Variants in LRRC49 observed in about 807,000 individuals in gnomAD.
LRRC49 encodes leucine rich repeat containing 49, also known as leucine-rich repeat-containing protein 49.
Under a neutral mutation model 83.3 loss-of-function variants are expected in LRRC49, and 50 were observed. The ratio of observed to expected loss-of-function variants is 0.60; its 90% CI spans 0.48 to 0.76. The LOEUF is 0.76. Ranked by LOEUF, LRRC49 falls within the 30% of genes least tolerant of loss-of-function variation. The probability of loss-of-function intolerance (pLI) is 0.00; values close to 1 mark genes in which losing one functional copy is unlikely to be tolerated. For missense variants in LRRC49, 704 were observed against 809.1 expected, an observed-to-expected ratio of 0.87 and a Z score of 1.58; for synonymous variants, 286 against 283.3, an observed-to-expected ratio of 1.01 and a Z score of -0.10.
At chr15:71,037,413 C>T in intron 15 of LRRC49, 81 bp downstream of exon 15, 2 of 1,177,306 alleles carry the variant, frequency 1.7e-6, no homozygotes, top group South Asian at 3.4e-5. Context: ...TACATTTTAC[C>T]CTTAGTTAAG....
At position 71,053,228 on chromosome 15, in the gene LRRC49, G is replaced by T. The variant is rs2040014547; in HGVS notation, c.*3616G>T. On this transcript the variant is annotated 3_prime_UTR_variant, in exon 16 of 16. Coordinates refer to ENST00000260382, the MANE Select transcript of LRRC49 (RefSeq NM_017691.5). ...GGCGTCAGAAAGTAGTTGGATCTTG[G>T]GTATATTTTAAAGATGAAGCAACAA... 6.6e-6 allele frequency: 1 copy of T among 152,016 alleles called. No individual in the cohort carries two copies. The highest frequency in any genetic ancestry group is 2.4e-5 in the African/African-American group (1 of 41,400). The allele number at this position is 152,016 out of a possible 1,614,324, so 9.4% of individuals were successfully genotyped here. A position where few individuals can be genotyped will look rare whatever the true frequency, so the allele number is the denominator to read the frequency against.
At chr15:70,986,330 T>C (rs1022370698) in intron 11 of LRRC49, among the ~76,000 whole-genome samples, 246 of 152,144 alleles carry the variant, frequency 1.6e-3, no homozygotes, top group Non-Finnish European at 2.7e-3. Flanking sequence ...TTTGTAGTTC[T>C]CCTTGAAGAG....
upstream of LRRC49, among the ~76,000 whole-genome samples, chr15:70,889,840 G>T (rs549451037): frequency 2.2e-4 from 33 of 152,276 alleles, no homozygotes; most frequent in Middle Eastern, 3.4e-3. Context: ...AACATTGGGT[G>T]GGGGAAGAAG....
intron 11 of LRRC49, among the ~76,000 whole-genome samples, chr15:70,994,315 A>G (rs1453283784): frequency 6.6e-6 from 1 of 152,070 alleles, no homozygotes; most frequent in Admixed American, 6.6e-5. Context: ...TTTCTGGACT[A>G]TCCATTTCAC....
intron 14 of LRRC49, among the ~76,000 whole-genome samples, chr15:71,033,212 C>T (rs994216727): frequency 6.6e-6 from 1 of 152,118 alleles, no homozygotes; most frequent in African/African-American, 2.4e-5. Flanking sequence ...TTCCTACACA[C>T]CAATATTAGA....
rs2039995365 is a variant in LRRC49, at chr15:71,051,603, G to C, written c.*1991G>C. 6.6e-6 allele frequency: 1 copy of C among 152,254 alleles called. No individual in the cohort carries two copies. The highest frequency in any genetic ancestry group is 6.5e-5 in the Admixed American group (1 of 15,278). 9.4% of individuals were successfully genotyped at this position (152,254 alleles called of 1,614,324 possible). On this transcript the variant is annotated 3_prime_UTR_variant, in exon 16 of 16. Transcript: ENST00000260382. ...TGACTCTTTGGGAGTCTGGGTAACT[G>C]TTCCCACTCTAGGCTTTGCAGATGA...
At chr15:70,981,258 A>G (rs1381244626) in intron 10 of LRRC49, among the ~76,000 whole-genome samples, 6 of 149,424 alleles carry the variant, frequency 4.0e-5, no homozygotes, top group Non-Finnish European at 7.4e-5. Flanking sequence ...AAAACCAAAC[A>G]CTGCATGTTC....
intron 7 of LRRC49, among the ~76,000 whole-genome samples, chr15:70,930,427 T>G (rs571477963): frequency 8.4e-4 from 127 of 150,942 alleles, no homozygotes; most frequent in Admixed American, 2.1e-3. Context: ...ACTTTGTTGT[T>G]CTGTTTATAG....
chr15:70,963,370 ATAAC>A (rs1293188196), intron 8 of LRRC49, among the ~76,000 whole-genome samples: 2 of 152,036 alleles, frequency 1.3e-5, no homozygotes, highest in African/African-American at 2.4e-5. Context: ...ATCCTACAAA[ATAAC>A]TGATGAGTAT....
intron 15 of LRRC49, among the ~76,000 whole-genome samples, chr15:71,039,880 T>C (rs2039644891): frequency 6.6e-6 from 1 of 152,210 alleles, no homozygotes; most frequent in Non-Finnish European, 1.5e-5. Context: ...TAAAATTGTT[T>C]GAGAGTATTG....
At chr15:71,038,381 A>G (rs1224125405) in intron 15 of LRRC49, among the ~76,000 whole-genome samples, 1 of 152,088 alleles carries the variant, frequency 6.6e-6, no homozygotes, top group African/African-American at 2.4e-5. Flanking sequence ...CTGAAAACCC[A>G]GTGTATCAGA....
chr15:70,865,393 A>G (rs777710685), intron 1 of LRRC49, among the ~76,000 whole-genome samples: 2 of 152,200 alleles, frequency 1.3e-5, no homozygotes, highest in Non-Finnish European at 2.9e-5. Context: ...AAACCACAAT[A>G]TCATGGTTGC....
At chr15:70,987,043 T>A (rs1450491871) in intron 11 of LRRC49, among the ~76,000 whole-genome samples, 1 of 152,202 alleles carries the variant, frequency 6.6e-6, no homozygotes, top group Non-Finnish European at 1.5e-5. Context: ...TTGCCAGTAT[T>A]TTATTGAGGA....
intron 8 of LRRC49, among the ~76,000 whole-genome samples, chr15:70,950,952 G>C (rs768327234): frequency 1.3e-4 from 20 of 152,038 alleles, no homozygotes; most frequent in Non-Finnish European, 2.5e-4. Flanking sequence ...GAGAGGAAGG[G>C]GTCTGGTTTC....
intron 11 of LRRC49, among the ~76,000 whole-genome samples, chr15:70,990,247 C>G (rs2037813712): frequency 6.6e-6 from 1 of 152,212 alleles, no homozygotes; most frequent in Admixed American, 6.5e-5. Flanking sequence ...GTGGAGCCTA[C>G]AGAGGCAGGC....
chr15:70,976,027 G>A (rs1486096460), intron 9 of LRRC49, among the ~76,000 whole-genome samples: 1 of 152,146 alleles, frequency 6.6e-6, no homozygotes, highest in Non-Finnish European at 1.5e-5. Context: ...TAAAGTTGAG[G>A]ATGCCATCAG....
intron 15 of LRRC49, among the ~76,000 whole-genome samples, chr15:71,041,517 G>A (rs1208178709): frequency 2.0e-5 from 3 of 152,172 alleles, no homozygotes; most frequent in Non-Finnish European, 4.4e-5. Context: ...CTAACTCACA[G>A]TAGCAACACA....
chr15:71,015,323 A>G (rs890235646), intron 14 of LRRC49, among the ~76,000 whole-genome samples: 2 of 152,210 alleles, frequency 1.3e-5, no homozygotes, highest in African/African-American at 4.8e-5. Context: ...GTTTCGTGAC[A>G]GACAATTTTG....
At chr15:70,977,899 C>T (rs1345103554) in intron 9 of LRRC49, among the ~76,000 whole-genome samples, 2 of 152,140 alleles carry the variant, frequency 1.3e-5, no homozygotes, top group Admixed American at 1.3e-4. Flanking sequence ...GGCCTTGTCA[C>T]TAGCTATGTG....
Sources: gnomAD v4.1 joint callset for allele counts (sites outside exome capture counted in the v4.1 genomes callset) on GRCh38, gnomAD v4.1.1 for gene constraint, MANE v1.5 for transcripts, NCBI Gene and HGNC (gene_info 2026-07-23, HGNC 2026-07-21) for gene names.